Variants in BCAT1 observed in about 807,000 individuals in gnomAD.
BCAT1 encodes branched chain amino acid transaminase 1.
BCAT1 carries 48 observed loss-of-function variants against 52.4 expected under a neutral mutation model. That is an observed-to-expected ratio of 0.92 (90% CI 0.73 to 1.16). The LOEUF (loss-of-function observed/expected upper bound fraction) is 1.16. Ranked by LOEUF, BCAT1 falls within the 50% of genes most tolerant of loss-of-function variation. BCAT1 has a pLI of 0.00. For synonymous variants in BCAT1, 167 were observed against 161.3 expected (o/e 1.04, Z -0.27); for missense variants, 451 against 457.1 (o/e 0.99, Z 0.12).
At chr12:24,948,862 A>T (rs1312895080) in intron 1 of BCAT1, 65 bp downstream of exon 1, 3 of 1,549,790 alleles carry the variant, frequency 1.9e-6, no homozygotes, top group Non-Finnish European at 2.6e-6. Context: ...TGTTTCTTGG[A>T]GAAATCGCCG....
intron 1 of BCAT1, chr12:24,904,294 C>T (rs1943188731): frequency 6.6e-6 from 1 of 152,352 alleles, no homozygotes; most frequent in Non-Finnish European, 1.5e-5. Flanking sequence ...CATCCGCCTC[C>T]CCGGTTCAAG....
chr12:24,894,196 G>T, intron 3 of BCAT1, 79 bp downstream of exon 3: 1 of 1,392,756 alleles, frequency 7.2e-7, no homozygotes, highest in Admixed American at 2.0e-5. Flanking sequence ...CTGCCCAAGA[G>T]CTATTTTAGC....
At position 24,830,002 on chromosome 12, in the gene BCAT1, G is replaced by A. The variant is rs75442069; in HGVS notation, c.1045-105C>T. 6,963 of 760,134 alleles carry A rather than the reference G, an allele frequency of 9.2e-3. 84 individuals carry two copies. The highest frequency in any genetic ancestry group is 9.7e-3 in the Non-Finnish European group (4,721 of 487,160). The allele number at this position is 760,134 out of a possible 1,614,324, so 47.1% of individuals were successfully genotyped here. ...GCTATACTAAGGCAATTCCACTGAA[G>A]TTAAGGAATAGCACTAAAACCTACT... On this transcript the variant is annotated intron_variant, in intron 9 of 10. Transcript: ENST00000261192.
At chr12:24,835,884 C>A (rs933864500) in intron 8 of BCAT1, among the ~76,000 whole-genome samples, 3 of 152,106 alleles carry the variant, frequency 2.0e-5, no homozygotes, top group Non-Finnish European at 4.4e-5. Context: ...AACCACTGCA[C>A]CCGGTCCACC....
chr12:24,855,814 G>A (rs929897676), intron 5 of BCAT1, among the ~76,000 whole-genome samples: 1 of 150,634 alleles, frequency 6.6e-6, no homozygotes, highest in African/African-American at 2.4e-5. Flanking sequence ...TTTTTTTAGA[G>A]ACAGAGTCTT....
At chr12:24,916,227 T>G (rs930239303) in intron 1 of BCAT1, among the ~76,000 whole-genome samples, 10 of 152,172 alleles carry the variant, frequency 6.6e-5, no homozygotes, top group African/African-American at 2.2e-4. Flanking sequence ...CTGTAAAACC[T>G]GTATGAATTG....
chr12:24,903,048 G>C, intron 1 of BCAT1: 1 of 1,395,498 alleles, frequency 7.2e-7, no homozygotes, highest in South Asian at 1.6e-5. Flanking sequence ...CGCGCGGCTG[G>C]AAGCGAAAGC....
intron 1 of BCAT1, among the ~76,000 whole-genome samples, chr12:24,932,281 G>T (rs762352107): frequency 6.6e-6 from 1 of 152,158 alleles, no homozygotes; most frequent in Admixed American, 6.5e-5. Context: ...CAGGACTAAG[G>T]AACTTCAATG....
intron 1 of BCAT1, among the ~76,000 whole-genome samples, chr12:24,940,115 A>G (rs953648786): frequency 1.3e-5 from 2 of 152,244 alleles, no homozygotes; most frequent in Non-Finnish European, 2.9e-5. Context: ...CCTAATGACT[A>G]TGCAAATGAC....
chr12:24,949,228 C>G (rs1212271256), upstream of BCAT1: 5 of 494,146 alleles, frequency 1.0e-5, no homozygotes, highest in Non-Finnish European at 1.8e-5. Flanking sequence ...TCGGAGCCAG[C>G]GCCCAGACCC....
intron 1 of BCAT1, among the ~76,000 whole-genome samples, chr12:24,939,034 C>T (rs528629788): frequency 6.6e-6 from 1 of 152,256 alleles, no homozygotes; most frequent in East Asian, 1.9e-4. Flanking sequence ...CCACCACACC[C>T]AGCTAATTTT....
chr12:24,895,607 A>G (rs1430277057), intron 2 of BCAT1, among the ~76,000 whole-genome samples: 2 of 152,124 alleles, frequency 1.3e-5, no homozygotes, highest in Admixed American at 1.3e-4. Context: ...GATCAGTTAA[A>G]AAAACAGGGG....
chr12:24,925,746 T>C (rs1050787580), intron 1 of BCAT1, among the ~76,000 whole-genome samples: 8 of 151,298 alleles, frequency 5.3e-5, no homozygotes, highest in African/African-American at 2.0e-4. Flanking sequence ...CGCGCCACCA[T>C]GCCTGACTGG....
At chr12:24,917,327 C>A (rs1314194369) in intron 1 of BCAT1, among the ~76,000 whole-genome samples, 2 of 151,946 alleles carry the variant, frequency 1.3e-5, no homozygotes, top group Non-Finnish European at 2.9e-5. Flanking sequence ...TACAGGCGCC[C>A]GCCACCACGC....
At chr12:24,881,652 G>A (rs1591835325) in intron 3 of BCAT1, among the ~76,000 whole-genome samples, 1 of 152,190 alleles carries the variant, frequency 6.6e-6, no homozygotes, top group Non-Finnish European at 1.5e-5. Context: ...GTTCTCCTCT[G>A]CTTAGCAGGA....
chr12:24,877,107 C>G (rs1942370480), intron 5 of BCAT1, among the ~76,000 whole-genome samples: 2 of 152,138 alleles, frequency 1.3e-5, no homozygotes. Flanking sequence ...CGAAAGGTAT[C>G]AAGGATACCA....
At chr12:24,892,013 T>A (rs1435601920) in intron 3 of BCAT1, among the ~76,000 whole-genome samples, 1 of 151,998 alleles carries the variant, frequency 6.6e-6, no homozygotes, top group Non-Finnish European at 1.5e-5. Context: ...CGCCTTGGCC[T>A]CCCAAAGTGC....
At chr12:24,934,528 C>A (rs111632181) in intron 1 of BCAT1, among the ~76,000 whole-genome samples, 2 of 152,116 alleles carry the variant, frequency 1.3e-5, no homozygotes, top group African/African-American at 4.8e-5. Flanking sequence ...TATCCTGAGG[C>A]AAGAGAAAAG....
intron 6 of BCAT1, among the ~76,000 whole-genome samples, chr12:24,845,301 T>G (rs1941312121): frequency 6.7e-6 from 1 of 150,278 alleles, no homozygotes. Flanking sequence ...TCTTGGTCAA[T>G]GTGGAGATGA....
Sources: allele counts gnomAD v4.1 joint callset (sites outside exome capture counted in the v4.1 genomes callset), GRCh38; gene constraint gnomAD v4.1.1; transcripts MANE v1.5; gene names NCBI Gene and HGNC (gene_info 2026-07-23, HGNC 2026-07-21).